Variants in PODXL2 observed in about 807,000 individuals in gnomAD.
PODXL2 encodes podocalyxin like 2.
In PODXL2, 17 loss-of-function variants were observed where a neutral mutation model predicts 53.4. The observed-to-expected ratio is 0.32, with a 90% CI of 0.22 to 0.48. The LOEUF (loss-of-function observed/expected upper bound fraction) is 0.48. Ranked by LOEUF, PODXL2 falls within the 20% of genes least tolerant of loss-of-function variation. The probability of loss-of-function intolerance (pLI) is 0.99; values close to 1 mark genes in which losing one functional copy is unlikely to be tolerated. For synonymous variants in PODXL2, 311 were observed against 306.7 expected, an observed-to-expected ratio of 1.01 and a Z score of -0.15; for missense variants, 673 against 760.0, an observed-to-expected ratio of 0.89 and a Z score of 1.35.
chr3:127,665,059 C>T (rs1303017130), intron 4 of PODXL2, among the ~76,000 whole-genome samples: 1 of 152,114 alleles, frequency 6.6e-6, no homozygotes, highest in Non-Finnish European at 1.5e-5. Context: ...TGGTCAAAAT[C>T]AGGAATTAGC....
rs772898817 is a variant in PODXL2 at position 127,639,379 on chromosome 3, G to A, written c.205G>A (p.Gly69Ser). The change falls in exon 2 of 8, where the codon GGC becomes AGC. Residue 69 changes from glycine (G) to serine (S), a missense_variant. Physicochemically the swap from Gly to Ser is moderately conservative, Grantham distance 56. Coordinates refer to ENST00000342480, the MANE Select transcript of PODXL2 (RefSeq NM_015720.4). The stretch of plus-strand genomic sequence containing the variant: ...CTCAGAGGAGCCTAGTGAGACCATG[G>A]GCCTGGGAGCTGGGCTGGGAGCCCC... ...LDSEEPSETM[G>S]LGAGLGAPGS... is the part of the protein sequence containing the mutation. 6.2e-7 allele frequency: 1 copy of A among 1,614,210 alleles called. No homozygotes were observed. The highest frequency in any genetic ancestry group is 2.2e-5 in the East Asian group (1 of 44,890).
At chr3:127,642,291 G>GAAA (rs201417926) in intron 2 of PODXL2, among the ~76,000 whole-genome samples, 4 of 77,246 alleles carry the variant, frequency 5.2e-5, no homozygotes, top group Non-Finnish European at 8.6e-5. Context: ...CTCCATCTCA[G>GAAA]AAAAAAAAAA....
chr3:127,646,231 A>C (rs2074656479), intron 2 of PODXL2, among the ~76,000 whole-genome samples: 1 of 152,224 alleles, frequency 6.6e-6, no homozygotes, highest in Admixed American at 6.5e-5. Context: ...TTGAATTTAC[A>C]GCCCAGCAAG....
rs2107542920 is a variant in PODXL2, at chr3:127,660,901, A to G, written c.873A>G (p.Ala291=). ...AGGAAGCAAGCGAGGAAGCCACTGC[A>G]GGAGCAGCTGGTTTGTCTGGCCAGC... is the stretch of plus-strand genomic sequence containing the variant. The part of the protein sequence containing the change: ...APQEASEEAT[A]GAAGLSGQHE... Residue 291 remains alanine, a synonymous_variant, in exon 3 of 8, where the codon GCA becomes GCG. Coordinates refer to ENST00000342480, the MANE Select transcript of PODXL2 (RefSeq NM_015720.4). The G allele has an allele frequency of 6.2e-7, 1 of 1,614,282 alleles. No individual in the cohort carries two copies. Among genetic ancestry groups the G allele is most frequent in the South Asian group, 1.1e-5 (1 of 91,092 alleles).
intron 6 of PODXL2, among the ~76,000 whole-genome samples, chr3:127,670,985 A>G (rs1382992469): frequency 6.6e-6 from 1 of 152,220 alleles, no homozygotes; most frequent in African/African-American, 2.4e-5. Flanking sequence ...GGCATCAGGA[A>G]GCTGACTGGT....
chr3:127,668,497 G>T lies in PODXL2; in HGVS notation c.1263G>T (p.Leu421=). The T allele has an allele frequency of 1.3e-6, 2 of 1,496,512 alleles. No individual in the cohort carries two copies. Among genetic ancestry groups the T allele is most frequent in the East Asian group, 2.6e-5 (1 of 38,822 alleles). 92.7% of individuals were successfully genotyped at this position (1,496,512 alleles called of 1,614,324 possible). A position where few individuals can be genotyped will look rare whatever the true frequency, so the allele number is the denominator to read the frequency against. The change falls in exon 5 of 8, where the codon CTG becomes CTT. Residue 421 remains leucine (L), a synonymous_variant. Coordinates refer to ENST00000342480, the MANE Select transcript of PODXL2 (RefSeq NM_015720.4). ...PQLLALVEEV[L]PRHGSGHHGA... ...TCCTGGCCCTGGTGGAAGAGGTGCT[G>T]CCCCGCCATGGCAGTGGCCACCATG... is the stretch of plus-strand genomic sequence containing the variant.
In PODXL2 at chr3:127,629,262, T is replaced by TCGCCGCTGCTGCTTC. The variant is rs2074524930; in HGVS notation, c.44_58dup (p.Leu19_Leu20insProProLeuLeuLeu). The TCGCCGCTGCTGCTTC allele has an allele frequency of 9.9e-7, 1 of 1,013,222 alleles. No homozygotes were observed. Among genetic ancestry groups the TCGCCGCTGCTGCTTC allele is most frequent in the Non-Finnish European group, 1.2e-6 (1 of 848,534 alleles). 62.8% of individuals were successfully genotyped at this position (1,013,222 alleles called of 1,614,324 possible). On this transcript the variant is annotated inframe_insertion, in exon 1 of 8. Coordinates refer to ENST00000342480, the MANE Select transcript of PODXL2 (RefSeq NM_015720.4). This position sits in a 1 kb window ranked among gnomAD's most constrained non-coding sequence, Gnocchi z 6.4. Reference sequence around the variant, plus strand: ...GGCCGCCCGGCTGCCGCCGCTGCTTTCGCCGCTGCTGCTTCTGCTGGTTGG... The same window carrying TCGCCGCTGCTGCTTC: ...GGCCGCCCGGCTGCCGCCGCTGCTTTCGCCGCTGCTGCTTCCGCCGCTGCTGCTTCTGCTGGTTGG...
intron 1 of PODXL2, among the ~76,000 whole-genome samples, chr3:127,638,542 C>T (rs1227919567): frequency 1.3e-5 from 2 of 152,098 alleles, no homozygotes; most frequent in Non-Finnish European, 2.9e-5. Context: ...TGGCGAAACC[C>T]TGTCTGTACT....
intron 1 of PODXL2, among the ~76,000 whole-genome samples, chr3:127,635,171 T>C (rs2074570007): frequency 1.3e-5 from 2 of 152,212 alleles, no homozygotes; most frequent in South Asian, 4.1e-4. Flanking sequence ...TCCTTTCTCC[T>C]TCACAGTGTA....
At position 127,660,710 on chromosome 3, in the gene PODXL2, C is replaced by A; in HGVS notation, c.682C>A (p.Gln228Lys). The change falls in exon 3 of 8, where the codon CAG (glutamine) becomes AAG (lysine). Residue 228 changes from glutamine (Q) to lysine (K), a missense_variant. By Grantham distance (53) the Gln-to-Lys change is moderately conservative (BLOSUM62 1). Transcript: ENST00000342480. The stretch of plus-strand genomic sequence containing the variant: ...AAGCAGGCATGAAGACTCCGGGGAC[C>A]AGGCCTCATCAGGTGTGGAGGTGGA... ...TKSRHEDSGD[Q>K]ASSGVEVESS... 1 of 1,614,174 alleles carries A rather than the reference C, an allele frequency of 6.2e-7. No homozygotes were observed. Among genetic ancestry groups the A allele is most frequent in the Non-Finnish European group, 8.5e-7 (1 of 1,180,032 alleles).
Position 127,660,886 on chromosome 3 carries a change from C to G in PODXL2, c.858C>G (p.Ser286Arg). Residue 286 changes from serine to arginine, a missense_variant, in exon 3 of 8, where the codon AGC (serine) becomes AGG (arginine). By Grantham distance (110) the Ser-to-Arg change is moderately radical. This residue lies in a region of PODXL2 where 588 missense variants were observed against 668.3 expected (regional missense o/e 0.88). Coordinates refer to ENST00000342480, the MANE Select transcript of PODXL2 (RefSeq NM_015720.4). ...AGTTCGAGGCTCCTCAGGAAGCAAG[C>G]GAGGAAGCCACTGCAGGAGCAGCTG... ...GVEFEAPQEASEEATAGAAGL... is the reference protein window; with the variant it reads ...GVEFEAPQEAREEATAGAAGL... The G allele has an allele frequency of 6.2e-7, 1 of 1,614,230 alleles. No individual in the cohort carries two copies. The highest frequency in any genetic ancestry group is 8.5e-7 in the Non-Finnish European group (1 of 1,180,048).
In PODXL2 at chr3:127,639,305, C is replaced by G; in HGVS notation, c.131C>G (p.Ser44Cys). ...GAGCCTGGCCCAGAGGGCCTCACCTCCACCTCCCTGCTAGACCTCCTGCTG... is the reference window on the plus strand; with the variant it reads ...GAGCCTGGCCCAGAGGGCCTCACCTGCACCTCCCTGCTAGACCTCCTGCTG... ...SDEPGPEGLT[S>C]TSLLDLLLPT... Residue 44 changes from serine to cysteine, a missense_variant, in exon 2 of 8, where the codon TCC (serine) becomes TGC (cysteine). By Grantham distance (112) the Ser-to-Cys change is moderately radical (BLOSUM62 -1). Around this residue, in one of 3 missense-constraint regions of PODXL2, gnomAD observed 588 missense variants for 668.3 expected, o/e 0.88. Coordinates refer to ENST00000342480, the MANE Select transcript of PODXL2 (RefSeq NM_015720.4). The G allele has an allele frequency of 6.2e-7, 1 of 1,613,766 alleles. No individual in the cohort carries two copies. The highest frequency in any genetic ancestry group is 1.3e-5 in the African/African-American group (1 of 75,066).
intron 2 of PODXL2, among the ~76,000 whole-genome samples, chr3:127,646,822 T>TTG (rs1022982099): frequency 3.3e-5 from 5 of 152,146 alleles, no homozygotes; most frequent in African/African-American, 1.2e-4. Flanking sequence ...GCCACACAGC[T>TTG]TGTGTGTGGC....
At chr3:127,658,910 C>G (rs1490100128) in intron 2 of PODXL2, among the ~76,000 whole-genome samples, 1 of 151,946 alleles carries the variant, frequency 6.6e-6, no homozygotes, top group Non-Finnish European at 1.5e-5. Flanking sequence ...GGTATTAGAT[C>G]TCCTACATTG....
Position 127,672,588 on chromosome 3 carries a change from G to A in PODXL2, c.*108G>A, listed in dbSNP as rs1576439102. The stretch of plus-strand genomic sequence containing the variant: ...CCCCGCGCCTACCCGGGCCGCCCCC[G>A]CGGCCTGGCCCTCGGCGCGGGCTCC... On this transcript the variant is annotated 3_prime_UTR_variant, in exon 8 of 8. Coordinates refer to ENST00000342480, the MANE Select transcript of PODXL2 (RefSeq NM_015720.4). The A allele has an allele frequency of 4.3e-6, 3 of 699,580 alleles. No individual in the cohort carries two copies. The highest frequency in any genetic ancestry group is 6.8e-5 in the East Asian group (2 of 29,276). The allele number at this position is 699,580 out of a possible 1,614,324, so 43.3% of individuals were successfully genotyped here.
chr3:127,650,433 T>C (rs547321367), intron 2 of PODXL2, among the ~76,000 whole-genome samples: 1 of 152,172 alleles, frequency 6.6e-6, no homozygotes, highest in Non-Finnish European at 1.5e-5. Flanking sequence ...GAGCTGCATC[T>C]GAGCCAGCAC....
At chr3:127,638,734 A>G (rs2074594561) in intron 1 of PODXL2, among the ~76,000 whole-genome samples, 1 of 152,200 alleles carries the variant, frequency 6.6e-6, no homozygotes, top group African/African-American at 2.4e-5. Flanking sequence ...AAAAAATAAA[A>G]AAACTAAAGA....
rs115822992 is a variant in PODXL2 at position 127,653,813 on chromosome 3, C to T, written c.350-6565C>T. On this transcript the variant is annotated intron_variant, in intron 2 of 7. Transcript: ENST00000342480. ...TAACACTTTGCCGCAGTTGCTGTAT[C>T]AGTGTGTATGTGTACATGTATGGAT... 3.2e-3 allele frequency among the ~76,000 whole-genome samples: 485 copies of T among 152,300 alleles called. 6 individuals are homozygous for T. The highest frequency in any genetic ancestry group is 0.014 in the South Asian group (67 of 4,832).
chr3:127,669,892 C>T (rs1456788333), intron 6 of PODXL2, among the ~76,000 whole-genome samples: 1 of 152,204 alleles, frequency 6.6e-6, no homozygotes, highest in Non-Finnish European at 1.5e-5. Flanking sequence ...CCTTCTGTTC[C>T]TCATCTCACT....
Sources: gnomAD v4.1 joint callset for allele counts (sites outside exome capture counted in the v4.1 genomes callset) on GRCh38, gnomAD v4.1.1 for gene constraint, gnomAD v4.1.1 regional missense constraint, Gnocchi (gnomAD v3.1) non-coding constraint, MANE v1.5 for transcripts, NCBI Gene and HGNC (gene_info 2026-07-23, HGNC 2026-07-21) for gene names.